Variants in YIPF1 observed in about 807,000 individuals in gnomAD.
YIPF1 encodes Yip1 domain family member 1.
YIPF1 carries 22 observed loss-of-function variants against 37.0 expected under a neutral mutation model. The observed-to-expected ratio is 0.59, with a 90% CI of 0.42 to 0.85. The LOEUF is 0.85. Among genes scored for constraint, YIPF1 ranks in the 40% least tolerant of loss-of-function variants. YIPF1 has a pLI of 0.00. For synonymous variants in YIPF1, 128 were observed against 131.9 expected (o/e 0.97, Z 0.21); for missense variants, 355 against 373.1 (o/e 0.95, Z 0.40).
intron 6 of YIPF1, 129 bp downstream of exon 6, chr1:53,878,186 T>C (rs1485188211): frequency 1.2e-6 from 1 of 858,052 alleles, no homozygotes; most frequent in African/African-American, 1.7e-5. Context: ...GGGTTGCTAC[T>C]GAAGTTCAGA....
At chr1:53,860,204 T>TA (rs1649830733) in intron 9 of YIPF1, 51 bp from the exon 10 acceptor site, 1 of 1,586,068 alleles carries the variant, frequency 6.3e-7, no homozygotes, top group African/African-American at 1.3e-5. Context: ...GTGGTCCGGG[T>TA]AAGTGTTTTT....
intron 6 of YIPF1, among the ~76,000 whole-genome samples, chr1:53,874,592 C>T (rs1650287004): frequency 6.6e-6 from 1 of 151,978 alleles, no homozygotes; most frequent in Non-Finnish European, 1.5e-5. Context: ...CATGGTAAAA[C>T]TCCGTCTCTA....
At position 53,860,139 on chromosome 1, in the gene YIPF1, A is replaced by T. The variant is rs776807936; in HGVS notation, c.846T>A (p.Asp282Glu). ...LSVGCLAYFF[D>E]APEMDHLPTT... ...TTGGGAGATGGTCCATCTCTGGTGC[A>T]TCAAAAAAGTATGCCTGTGGGGAAA... Residue 282 changes from aspartate to glutamate, a missense_variant, in exon 10 of 11, where the codon GAT (aspartate) becomes GAA (glutamate). Transcript: ENST00000072644. The T allele has an allele frequency of 1.2e-6, 2 of 1,614,126 alleles. No homozygotes were observed. Among genetic ancestry groups the T allele is most frequent in the African/African-American group, 2.7e-5 (2 of 75,054 alleles).
chr1:53,871,420 T>G lies in YIPF1; in HGVS notation c.433A>C (p.Ile145Leu). The G allele has an allele frequency of 6.2e-7, 1 of 1,614,016 alleles. No homozygotes were observed. The highest frequency in any genetic ancestry group is 2.2e-5 in the East Asian group (1 of 44,880). The change falls in exon 7 of 11, where the codon ATC (isoleucine) becomes CTC (leucine). Residue 145 changes from isoleucine (I) to leucine (L), a missense_variant. Transcript: ENST00000072644. ...TGGTACGTCTTCTCTCCCAGATGGA[T>G]CAAGAAGTTGGAAAGATTCCCACTA... ...AISGNLSNFL[I>L]HLGEKTYHYV...
At chr1:53,885,424 C>T (rs1650619023) in intron 3 of YIPF1, among the ~76,000 whole-genome samples, 1 of 152,192 alleles carries the variant, frequency 6.6e-6, no homozygotes, top group Non-Finnish European at 1.5e-5. Context: ...AGGAGAATCG[C>T]TTGAACCCAG....
At chr1:53,860,205 A>G (rs747011693) in intron 9 of YIPF1, 52 bp from the exon 10 acceptor site, 1 of 1,586,742 alleles carries the variant, frequency 6.3e-7, no homozygotes, top group South Asian at 1.1e-5. Flanking sequence ...TGGTCCGGGT[A>G]AGTGTTTTTT....
At chr1:53,878,753 A>C (rs762245242) in intron 4 of YIPF1, 31 bp from the exon 5 acceptor site, 4 of 1,574,852 alleles carry the variant, frequency 2.5e-6, no homozygotes, top group East Asian at 4.5e-5. Context: ...CATAATGAAC[A>C]CATAAGCAAT....
intron 10 of YIPF1, among the ~76,000 whole-genome samples, chr1:53,858,939 G>C (rs1649795186): frequency 6.6e-6 from 1 of 152,134 alleles, no homozygotes; most frequent in Non-Finnish European, 1.5e-5. Context: ...GCTGACCTGG[G>C]ATTTAATTGT....
rs760585806 is a variant in YIPF1, at chr1:53,888,983, G to T, written c.-46C>A. 3.8e-6 allele frequency: 6 copies of T among 1,571,042 alleles called. No homozygotes were observed. In the African/African-American group the frequency reaches 8.1e-5, roughly 21 times the overall value. ...CAATTATGAGGAAGAAAATTTGCAG[G>T]GTTCTAAAAGAAAAAAATAGGTAAA... On this transcript the variant is annotated 5_prime_UTR_variant, in exon 3 of 11. Coordinates refer to ENST00000072644, the MANE Select transcript of YIPF1 (RefSeq NM_018982.5).
rs190650630 is a variant in YIPF1 at position 53,854,547 on chromosome 1, G to A, written c.*9-2277C>T. ...CTGTCCCTTTCCTTGCCTCAGCCCT[G>A]CAGCCAAACCTTCCAATGTCACCAC... On this transcript the variant is annotated intron_variant, in intron 10 of 10. Coordinates refer to ENST00000072644, the MANE Select transcript of YIPF1 (RefSeq NM_018982.5). Among the ~76,000 whole-genome samples, 256 of 152,270 alleles carry A rather than the reference G, an allele frequency of 1.7e-3. 2 individuals carry two copies. The highest frequency in any genetic ancestry group is 1.7e-3 in the Non-Finnish European group (118 of 68,030).
intron 3 of YIPF1, among the ~76,000 whole-genome samples, chr1:53,887,199 C>G (rs550744675): frequency 6.6e-6 from 1 of 152,118 alleles, no homozygotes; most frequent in Non-Finnish European, 1.5e-5. Context: ...CCTGCCTCAG[C>G]CTCCAGAGTA....
At chr1:53,867,614 T>C (rs1328417062) in intron 7 of YIPF1, among the ~76,000 whole-genome samples, 2 of 152,096 alleles carry the variant, frequency 1.3e-5, no homozygotes, top group Non-Finnish European at 2.9e-5. Flanking sequence ...TCCGCCCGCC[T>C]CCGCCTCCCA....
chr1:53,881,500 A>G (rs1358903800), intron 4 of YIPF1, among the ~76,000 whole-genome samples: 1 of 152,210 alleles, frequency 6.6e-6, no homozygotes, highest in Non-Finnish European at 1.5e-5. Context: ...CAGAGTCTAC[A>G]AAGTACTTAA....
chr1:53,853,606 A>G (rs544189291), intron 10 of YIPF1, among the ~76,000 whole-genome samples: 1 of 152,356 alleles, frequency 6.6e-6, no homozygotes, highest in Admixed American at 6.5e-5. Context: ...TACCACATTC[A>G]GATGTCAGCG....
At chr1:53,875,495 C>A (rs918538710) in intron 6 of YIPF1, among the ~76,000 whole-genome samples, 15 of 152,274 alleles carry the variant, frequency 9.9e-5, no homozygotes, top group African/African-American at 3.6e-4. Context: ...CCAGCCTGGG[C>A]AACAGAGCAA....
At chr1:53,876,671 T>C (rs984385305) in intron 6 of YIPF1, among the ~76,000 whole-genome samples, 2 of 152,204 alleles carry the variant, frequency 1.3e-5, no homozygotes, top group Admixed American at 1.3e-4. Context: ...TTACTAGCTG[T>C]ATAATCTCAG....
At chr1:53,873,828 T>C (rs1650259613) in intron 6 of YIPF1, among the ~76,000 whole-genome samples, 1 of 152,096 alleles carries the variant, frequency 6.6e-6, no homozygotes, top group African/African-American at 2.4e-5. Context: ...ACCCTTTCAC[T>C]AAAATATTAA....
At chr1:53,876,687 T>C (rs1228340408) in intron 6 of YIPF1, among the ~76,000 whole-genome samples, 2 of 152,212 alleles carry the variant, frequency 1.3e-5, no homozygotes. Context: ...CTCAGGCAAG[T>C]TACTGGACCT....
chr1:53,873,395 A>G (rs946417461), intron 6 of YIPF1, among the ~76,000 whole-genome samples: 30 of 152,188 alleles, frequency 2.0e-4, no homozygotes, highest in African/African-American at 7.0e-4. Context: ...GACTGAAGTA[A>G]GAGGTACCAG....
Sources: allele counts gnomAD v4.1 joint callset (sites outside exome capture counted in the v4.1 genomes callset), GRCh38; gene constraint gnomAD v4.1.1; transcripts MANE v1.5; gene names NCBI Gene and HGNC (gene_info 2026-07-23, HGNC 2026-07-21).